RGS6: variants seen among roughly 807,000 people sequenced by gnomAD.
RGS6 encodes the protein regulator of G-protein signaling 6.
A neutral mutation model predicts 78.5 loss-of-function variants in RGS6; 30 were observed. The observed-to-expected ratio is 0.38, with a 90% CI of 0.29 to 0.52. The LOEUF is 0.52. Ranked by LOEUF, RGS6 falls within the 20% of genes least tolerant of loss-of-function variation. The pLI is 0.85. For synonymous variants in RGS6, 206 were observed against 206.0 expected (o/e 1.00, Z 0.00); for missense variants, 495 against 609.7 (o/e 0.81, Z 1.98).
In RGS6 at chr14:72,197,980, AT is replaced by A. The variant is rs201434306; in HGVS notation, c.85-154111del. Reference sequence around the variant, plus strand: ...CATATTATATAATTTTTGTTATTATATTTTAATTGCTTCCTGACTTATCTCA... The same window carrying A: ...CATATTATATAATTTTTGTTATTATATTTAATTGCTTCCTGACTTATCTCA... On this transcript the variant is annotated intron_variant, in intron 2 of 17. Transcript: ENST00000553525. Among the ~76,000 whole-genome samples the A allele has an allele frequency of 8.6e-4, 131 of 152,236 alleles. 1 individual carries two copies. The East Asian group carries it at 0.02, about 23-fold the overall frequency.
intron 2 of RGS6, among the ~76,000 whole-genome samples, chr14:71,966,116 A>G (rs2093495028): frequency 6.6e-6 from 1 of 152,194 alleles, no homozygotes; most frequent in Non-Finnish European, 1.5e-5. Flanking sequence ...GTGAAAATTT[A>G]AACTAACTCT....
chr14:72,458,394 C>T lies in RGS6; in HGVS notation c.342+17C>T, dbSNP rs764194383. Reference sequence around the variant, plus strand: ...CGTTTCCAGGTAAGCCTGCTGGCTCCTCCTCCTGAAGAACCTTTTCTTCAC... The same window carrying T: ...CGTTTCCAGGTAAGCCTGCTGGCTCTTCCTCCTGAAGAACCTTTTCTTCAC... On this transcript the variant is annotated intron_variant, in intron 5 of 17. Coordinates refer to ENST00000553525, the MANE Select transcript of RGS6 (RefSeq NM_001204424.2). The T allele has an allele frequency of 1.9e-6, 3 of 1,579,050 alleles. No individual in the cohort carries two copies. Among genetic ancestry groups the T allele is most frequent in the Non-Finnish European group, 1.7e-6 (2 of 1,148,548 alleles).
chr14:72,257,293 C>G (rs1421435096), intron 2 of RGS6, among the ~76,000 whole-genome samples: 2 of 152,182 alleles, frequency 1.3e-5, no homozygotes, highest in African/African-American at 2.4e-5. Flanking sequence ...TTATTTCCAT[C>G]TTCATGTCCA....
At chr14:71,938,836 A>G (rs1594917016) in intron 1 of RGS6, among the ~76,000 whole-genome samples, 2 of 152,320 alleles carry the variant, frequency 1.3e-5, no homozygotes, top group Admixed American at 1.3e-4. Context: ...GCCCAGTAAT[A>G]GGCCAAGAGC....
chr14:72,075,368 A>G (rs1027897814), intron 2 of RGS6, among the ~76,000 whole-genome samples: 1 of 152,210 alleles, frequency 6.6e-6, no homozygotes, highest in Non-Finnish European at 1.5e-5. Context: ...AGATAAGTAA[A>G]TACGATACAG....
At chr14:72,048,032 A>T (rs2153401968) in intron 2 of RGS6, among the ~76,000 whole-genome samples, 1 of 151,636 alleles carries the variant, frequency 6.6e-6, no homozygotes, top group African/African-American at 2.4e-5. Context: ...GTAGACTACC[A>T]CATGGTACCT....
At chr14:72,206,335 T>C (rs2153747077) in intron 2 of RGS6, among the ~76,000 whole-genome samples, 1 of 152,234 alleles carries the variant, frequency 6.6e-6, no homozygotes, top group East Asian at 1.9e-4. Flanking sequence ...TGTATTCACA[T>C]GGAAAGATGG....
intron 2 of RGS6, among the ~76,000 whole-genome samples, chr14:72,273,936 G>A (rs1157375429): frequency 6.6e-6 from 1 of 152,178 alleles, no homozygotes; most frequent in Non-Finnish European, 1.5e-5. Flanking sequence ...CAAAAGAAGA[G>A]GCATTCCCTG....
rs1403514342 is a variant in RGS6, at chr14:71,964,790, G to C, written c.-2G>C. 1 of 1,612,884 alleles carries C rather than the reference G, an allele frequency of 6.2e-7. No individual in the cohort carries two copies. Among genetic ancestry groups the C allele is most frequent in the Admixed American group, 1.7e-5 (1 of 59,882 alleles). ...TTTGCAGTGTGAGTGAAGACACTCA[G>C]GATGGCTCAAGGATCCGGGGATCAA... is the stretch of plus-strand genomic sequence containing the variant. On this transcript the variant is annotated 5_prime_UTR_variant, in exon 2 of 18. Coordinates refer to ENST00000553525, the MANE Select transcript of RGS6 (RefSeq NM_001204424.2).
chr14:72,217,997 T>TA (rs1475122805), intron 2 of RGS6, among the ~76,000 whole-genome samples: 1 of 152,170 alleles, frequency 6.6e-6, no homozygotes, highest in Non-Finnish European at 1.5e-5. Flanking sequence ...ACTGGCACAG[T>TA]AGTCCAGTAT....
At chr14:72,325,491 T>A (rs747651057) in intron 2 of RGS6, among the ~76,000 whole-genome samples, 5 of 152,178 alleles carry the variant, frequency 3.3e-5, no homozygotes, top group Non-Finnish European at 5.9e-5. Context: ...TTTTAGGTCT[T>A]ACATTTAAGT....
intron 16 of RGS6, chr14:72,537,401 C>T (rs1268346904): frequency 5.8e-6 from 4 of 692,722 alleles, no homozygotes; most frequent in Admixed American, 4.1e-5. Context: ...TTATAACCTG[C>T]TCTCCTGCCC....
intron 2 of RGS6, among the ~76,000 whole-genome samples, chr14:71,977,182 G>C (rs1302617947): frequency 9.7e-6 from 1 of 103,002 alleles, no homozygotes; most frequent in African/African-American, 3.5e-5. Flanking sequence ...AGATGAGTAG[G>C]TTGCGAAAAT....
intron 2 of RGS6, among the ~76,000 whole-genome samples, chr14:72,065,087 T>G (rs1011749897): frequency 6.6e-5 from 10 of 152,236 alleles, no homozygotes; most frequent in Non-Finnish European, 1.5e-4. Context: ...TACCAATGAT[T>G]AACATATATT....
intron 1 of RGS6, among the ~76,000 whole-genome samples, chr14:71,953,975 T>TTTG (rs1555399232): frequency 1.4e-5 from 2 of 146,096 alleles, no homozygotes; most frequent in African/African-American, 5.1e-5. Flanking sequence ...GGGCGTTTTT[T>TTTG]TTTTTTTTTT....
chr14:72,020,868 G>A (rs1307884082), intron 2 of RGS6, among the ~76,000 whole-genome samples: 1 of 152,184 alleles, frequency 6.6e-6, no homozygotes, highest in Non-Finnish European at 1.5e-5. Context: ...TTCAGCAGGT[G>A]GTGACATGTG....
chr14:72,287,979 A>G (rs1484101871), intron 2 of RGS6, among the ~76,000 whole-genome samples: 1 of 152,208 alleles, frequency 6.6e-6, no homozygotes, highest in African/African-American at 2.4e-5. Flanking sequence ...TTAATGTGCT[A>G]TGGAATTCTG....
intron 2 of RGS6, among the ~76,000 whole-genome samples, chr14:72,168,385 G>T (rs2096959453): frequency 6.6e-6 from 1 of 152,174 alleles, no homozygotes; most frequent in Non-Finnish European, 1.5e-5. Context: ...TGATGGCGGG[G>T]AATCCCAGGG....
chr14:72,036,731 G>T (rs1259474586), intron 2 of RGS6, among the ~76,000 whole-genome samples: 1 of 151,996 alleles, frequency 6.6e-6, no homozygotes, highest in African/African-American at 2.4e-5. Flanking sequence ...CAAGTATTTT[G>T]CTGGATATGT....
Sources: allele counts gnomAD v4.1 joint callset (sites outside exome capture counted in the v4.1 genomes callset), GRCh38; gene constraint gnomAD v4.1.1; transcripts MANE v1.5; gene names NCBI Gene and HGNC (gene_info 2026-07-23, HGNC 2026-07-21).